Variants in HSD17B4 observed in about 807,000 individuals in gnomAD.
HSD17B4 encodes hydroxysteroid 17-beta dehydrogenase 4, also known as peroxisomal multifunctional enzyme type 2.
A neutral mutation model predicts 101.0 loss-of-function variants in HSD17B4; 70 were observed. The ratio of observed to expected loss-of-function variants is 0.69; its 90% CI spans 0.57 to 0.85. The LOEUF is 0.85. Among genes scored for constraint, HSD17B4 ranks in the 40% least tolerant of loss-of-function variants. The pLI is 0.00. For missense variants in HSD17B4, 984 were observed against 892.4 expected (o/e 1.10, Z -1.31); for synonymous variants, 347 against 297.1 (o/e 1.17, Z -1.73).
intron 2 of HSD17B4, among the ~76,000 whole-genome samples, chr5:119,469,764 A>G (rs766311173): frequency 3.3e-5 from 5 of 150,652 alleles, no homozygotes; most frequent in African/African-American, 4.9e-5. Context: ...TTTTTTCTCT[A>G]TGTATCAGTT....
intron 1 of HSD17B4, among the ~76,000 whole-genome samples, chr5:119,454,277 A>T (rs1754370080): frequency 6.6e-6 from 1 of 152,030 alleles, no homozygotes; most frequent in African/African-American, 2.4e-5. Context: ...AACTGGTTAA[A>T]TTCTCTCTTA....
Position 119,516,451 on chromosome 5 carries a change from G to T in HSD17B4, c.1503+1405G>T, listed in dbSNP as rs568441304. On this transcript the variant is annotated intron_variant, in intron 17 of 23. Transcript: ENST00000510025. ...TAAGTAGTGGGGTTTTCTTTCTTTTGTTTTTTTTTCAGATGACTAAAACTT... is the reference window on the plus strand; with the variant it reads ...TAAGTAGTGGGGTTTTCTTTCTTTTTTTTTTTTTTCAGATGACTAAAACTT... Among the ~76,000 whole-genome samples, 100 of 149,124 alleles carry T rather than the reference G, an allele frequency of 6.7e-4. 1 individual carries two copies. The highest frequency in any genetic ancestry group is 2.3e-3 in the African/African-American group (92 of 40,592).
chr5:119,465,716 T>C (rs1393562579), intron 2 of HSD17B4, among the ~76,000 whole-genome samples: 3 of 152,124 alleles, frequency 2.0e-5, no homozygotes, highest in South Asian at 2.1e-4. Context: ...GTTCTAAGAG[T>C]TTTTTGATGG....
chr5:119,517,052 C>T (rs550268678), intron 17 of HSD17B4, among the ~76,000 whole-genome samples: 138 of 152,324 alleles, frequency 9.1e-4, no homozygotes, highest in Non-Finnish European at 1.4e-3. Context: ...GAGCCCCTTT[C>T]TGGGCTGGCC....
At chr5:119,539,900 G>A (rs1422000642) in intron 23 of HSD17B4, among the ~76,000 whole-genome samples, 1 of 130,346 alleles carries the variant, frequency 7.7e-6, no homozygotes, top group African/African-American at 3.0e-5. Flanking sequence ...GCCTGGGTGA[G>A]ACAGTGAGAC....
intron 23 of HSD17B4, among the ~76,000 whole-genome samples, chr5:119,539,896 G>A (rs1230215242): frequency 7.1e-6 from 1 of 140,624 alleles, no homozygotes; most frequent in South Asian, 2.3e-4. Context: ...TTGAGCCTGG[G>A]TGAGACAGTG....
chr5:119,508,587 CA>C (rs1196885492), intron 15 of HSD17B4, among the ~76,000 whole-genome samples: 1 of 152,156 alleles, frequency 6.6e-6, no homozygotes, highest in Non-Finnish European at 1.5e-5. Flanking sequence ...CTAACTTGCT[CA>C]CTCATATCAT....
intron 2 of HSD17B4, among the ~76,000 whole-genome samples, chr5:119,461,061 T>C (rs1165958308): frequency 1.3e-5 from 2 of 152,242 alleles, no homozygotes; most frequent in Middle Eastern, 3.4e-3. Context: ...CCAGATCACA[T>C]AGGACCTTTA....
At chr5:119,531,199 TA>T in intron 21 of HSD17B4, 66 bp from the exon 22 acceptor site, 1 of 1,525,754 alleles carries the variant, frequency 6.6e-7, no homozygotes. Flanking sequence ...GCACATGTTT[TA>T]TAATCACTTT....
chr5:119,498,934 G>T (rs1308294373), intron 12 of HSD17B4, among the ~76,000 whole-genome samples: 2 of 152,082 alleles, frequency 1.3e-5, no homozygotes, highest in East Asian at 3.8e-4. Flanking sequence ...CCATTAAGCA[G>T]TGTTTTACTC....
At chr5:119,489,381 T>C (rs1749896025) in intron 9 of HSD17B4, 98 bp downstream of exon 9, 2 of 805,460 alleles carry the variant, frequency 2.5e-6, no homozygotes, top group Admixed American at 1.8e-5. Flanking sequence ...TTTTTAAATA[T>C]TGTGTCTATG....
intron 14 of HSD17B4, among the ~76,000 whole-genome samples, chr5:119,504,446 A>AT (rs1202046234): frequency 6.6e-6 from 1 of 151,882 alleles, no homozygotes; most frequent in Non-Finnish European, 1.5e-5. Context: ...AGCATCTGTT[A>AT]TTTTTTTGAC....
rs773630409 is a variant in HSD17B4, at chr5:119,509,255, A to G, written c.1437+11A>G. ...TCAGACAAAGTCAAGGTAAGCCATGACTTTGTAAGCAAAATATATGTGTAG... is the reference window on the plus strand; with the variant it reads ...TCAGACAAAGTCAAGGTAAGCCATGGCTTTGTAAGCAAAATATATGTGTAG... On this transcript the variant is annotated intron_variant, in intron 16 of 23. Transcript: ENST00000510025. 6.8e-7 allele frequency: 1 copy of G among 1,462,350 alleles called. No homozygotes were observed. Among genetic ancestry groups the G allele is most frequent in the Admixed American group, 1.7e-5 (1 of 59,864 alleles). 90.6% of individuals were successfully genotyped at this position (1,462,350 alleles called of 1,614,324 possible). A position where few individuals can be genotyped will look rare whatever the true frequency, so the allele number is the denominator to read the frequency against.
At chr5:119,467,298 T>A (rs1339775767) in intron 2 of HSD17B4, among the ~76,000 whole-genome samples, 1 of 152,240 alleles carries the variant, frequency 6.6e-6, no homozygotes, top group Non-Finnish European at 1.5e-5. Context: ...AGTGGTCTTT[T>A]TGGTCCATTT....
intron 6 of HSD17B4, chr5:119,476,714 A>G (rs999139512): frequency 1.0e-5 from 10 of 985,280 alleles, no homozygotes; most frequent in South Asian, 4.7e-5. Context: ...TGGTGCTGCA[A>G]CGGGACTGAG....
intron 9 of HSD17B4, 138 bp from the exon 10 acceptor site, chr5:119,491,962 C>A: frequency 1.3e-6 from 1 of 769,220 alleles, no homozygotes; most frequent in South Asian, 1.4e-5. Context: ...TGGACTCTTA[C>A]AGAGCTGTAT....
intron 8 of HSD17B4, among the ~76,000 whole-genome samples, chr5:119,482,110 TTTC>T (rs1312862625): frequency 2.0e-5 from 3 of 152,170 alleles, no homozygotes; most frequent in Non-Finnish European, 2.9e-5. Flanking sequence ...TTATTCTCTT[TTTC>T]TTCTTCTCGG....
At chr5:119,516,974 G>A (rs890927392) in intron 17 of HSD17B4, among the ~76,000 whole-genome samples, 14 of 152,242 alleles carry the variant, frequency 9.2e-5, no homozygotes, top group Non-Finnish European at 1.3e-4. Flanking sequence ...CGCTCTCGGC[G>A]CCTCCTCTGC....
At chr5:119,452,766 G>A (rs1754189182) in intron 1 of HSD17B4, 133 bp downstream of exon 1, 1 of 1,572,528 alleles carries the variant, frequency 6.4e-7, no homozygotes, top group African/African-American at 1.3e-5. Flanking sequence ...GGTTATTCTT[G>A]AGGCACCGCA....
Sources: gnomAD v4.1 joint callset for allele counts (sites outside exome capture counted in the v4.1 genomes callset) on GRCh38, gnomAD v4.1.1 for gene constraint, MANE v1.5 for transcripts, NCBI Gene and HGNC (gene_info 2026-07-23, HGNC 2026-07-21) for gene names.